Variants in MYH7 observed in about 807,000 individuals in gnomAD.
The protein encoded by MYH7 is myosin-7.
MYH7 carries 129 observed loss-of-function variants against 225.4 expected under a neutral mutation model. The observed-to-expected ratio is 0.57, with a 90% CI of 0.50 to 0.66. MYH7 has a LOEUF of 0.66. Ranked by LOEUF, MYH7 falls within the 30% of genes least tolerant of loss-of-function variation. The pLI, the probability that MYH7 is intolerant of heterozygous loss-of-function variation, is 0.00. For missense variants in MYH7, 1,649 were observed against 2,517.0 expected (o/e 0.66, Z 7.38); for synonymous variants, 971 against 1,007.6 (o/e 0.96, Z 0.69).
At chr14:23,423,256 A>G (rs1892551143) in intron 24 of MYH7, among the ~76,000 whole-genome samples, 1 of 152,192 alleles carries the variant, frequency 6.6e-6, no homozygotes, top group South Asian at 2.1e-4. Flanking sequence ...GCAGAGATAT[A>G]TGGGATTGCA....
intron 16 of MYH7, 33 bp from the exon 17 acceptor site, chr14:23,427,340 A>G: frequency 1.2e-6 from 2 of 1,611,814 alleles, no homozygotes; most frequent in South Asian, 1.1e-5. Flanking sequence ...AAGAAGCATC[A>G]GTGTGGGGAG....
chr14:23,415,977 G>A lies in MYH7; in HGVS notation c.4953+27C>T, dbSNP rs369699564. 6.2e-7 allele frequency: 1 copy of A among 1,614,116 alleles called. No individual in the cohort carries two copies. Among genetic ancestry groups the A allele is most frequent in the Non-Finnish European group, 8.5e-7 (1 of 1,180,036 alleles). On this transcript the variant is annotated intron_variant, in intron 34 of 39. Coordinates refer to ENST00000355349, the MANE Select transcript of MYH7 (RefSeq NM_000257.4). This position sits in a 1 kb window ranked among gnomAD's most constrained non-coding sequence, Gnocchi z 6.3. Reference sequence around the variant, plus strand: ...ACACTACTGCTTCGCCAGGCCACGTGGAGGCCAGTCCCCTCTGGGTGAGTA... The same window carrying A: ...ACACTACTGCTTCGCCAGGCCACGTAGAGGCCAGTCCCCTCTGGGTGAGTA...
At position 23,425,320 on chromosome 14, in the gene MYH7, C is replaced by T; in HGVS notation, c.2385G>A (p.Val795=). The change falls in exon 21 of 40, where the codon GTG becomes GTA. Residue 795 remains valine, a synonymous_variant. Coordinates refer to ENST00000355349, the MANE Select transcript of MYH7 (RefSeq NM_000257.4). This position sits in a 1 kb window ranked among gnomAD's most constrained non-coding sequence, Gnocchi z 4.6. ...GCTTTTTGTACTCCATTCTGGCGAG[C>T]ACACCTCGGGACTGGGCCTGGATAC... ...ITRIQAQSRG[V]LARMEYKKLL... is the part of the protein sequence containing the mutation. 1.2e-6 allele frequency: 2 copies of T among 1,614,216 alleles called. No individual in the cohort carries two copies. Among genetic ancestry groups the T allele is most frequent in the Non-Finnish European group, 1.7e-6 (2 of 1,180,040 alleles).
chr14:23,422,525 A>G (rs1478663700), intron 24 of MYH7, among the ~76,000 whole-genome samples, 200 bp from the exon 25 acceptor site: 1 of 151,684 alleles, frequency 6.6e-6, no homozygotes, highest in East Asian at 1.9e-4. Context: ...AGATAAAGGA[A>G]TAAATGACTG....
At chr14:23,431,285 CAG>C (rs780088450) in intron 9 of MYH7, 131 bp downstream of exon 9, 1 of 928,110 alleles carries the variant, frequency 1.1e-6, no homozygotes, top group South Asian at 1.3e-5. Context: ...GACCTGAAGA[CAG>C]AGACACCTAC....
At chr14:23,422,152 G>A (rs772267815) in intron 25 of MYH7, 28 bp downstream of exon 25, 1 of 1,612,130 alleles carries the variant, frequency 6.2e-7, no homozygotes, top group South Asian at 1.1e-5. Flanking sequence ...TGGGGAGGAG[G>A]AAGGGCAGCA....
intron 14 of MYH7, 37 bp downstream of exon 14, chr14:23,428,918 A>C (rs112828355): frequency 1.9e-6 from 3 of 1,614,024 alleles, no homozygotes; most frequent in Non-Finnish European, 2.5e-6. Flanking sequence ...GGAGCGAGTG[A>C]GTGATTGTTC....
At chr14:23,432,302 G>GA (rs1892977788) in intron 6 of MYH7, among the ~76,000 whole-genome samples, 177 bp downstream of exon 6, 2 of 152,174 alleles carry the variant, frequency 1.3e-5, no homozygotes, top group African/African-American at 4.8e-5. Flanking sequence ...ATGGAAAGCA[G>GA]AAAGGAAGAG....
Position 23,433,188 on chromosome 14 carries a change from G to A in MYH7, c.241C>T (p.Pro81Ser), listed in dbSNP as rs1489940065. ...VKEDQVMQQN[P>S]PKFDKIEDMA... The stretch of plus-strand genomic sequence containing the variant: ...TCCTCGATTTTGTCGAACTTGGGTG[G>A]GTTCTGCTGCATCACCTGGTCCTCC... Residue 81 changes from proline (P) to serine (S), a missense_variant, in exon 4 of 40, where the codon CCA becomes TCA. Pro to Ser is a moderately conservative substitution (Grantham distance 74). Transcript: ENST00000355349. The surrounding 1 kb of genome is among the most constrained non-coding windows in gnomAD (Gnocchi z 4.1). 1.2e-5 allele frequency: 20 copies of A among 1,614,024 alleles called. No individual in the cohort carries two copies. In the Admixed American group the frequency reaches 3.2e-4, roughly 26 times the overall value.
chr14:23,428,751 A>G, intron 14 of MYH7, 81 bp from the exon 15 acceptor site: 3 of 1,607,926 alleles, frequency 1.9e-6, no homozygotes, highest in East Asian at 2.2e-5. Context: ...ACTGTGCCTG[A>G]GCCCAGCAGG....
At chr14:23,419,364 A>G (rs1482426315) in intron 28 of MYH7, 69 bp from the exon 29 acceptor site, 66 of 1,612,016 alleles carry the variant, frequency 4.1e-5, no homozygotes, top group Non-Finnish European at 5.6e-5. Context: ...CTCAGGCCCC[A>G]TTTTCTGGAG....
At chr14:23,417,791 G>A (rs1447473303) in intron 30 of MYH7, 105 bp from the exon 31 acceptor site, 1 of 1,462,466 alleles carries the variant, frequency 6.8e-7, no homozygotes, top group South Asian at 1.2e-5. Flanking sequence ...AACCTCAGAA[G>A]TGTAGCTGGA....
In MYH7 at chr14:23,415,801, C is replaced by A. The variant is rs370328209; in HGVS notation, c.4985G>T (p.Arg1662Leu). 6.2e-6 allele frequency: 10 copies of A among 1,614,092 alleles called. No individual in the cohort carries two copies. The African/African-American group carries it at 1.2e-4, about 19-fold the overall frequency. ...GTTCTCCTTCAGGTCGTCGTTGGCACGGACTGCATCGTCCAGCTGAATCTG... is the reference window on the plus strand; with the variant it reads ...GTTCTCCTTCAGGTCGTCGTTGGCAAGGACTGCATCGTCCAGCTGAATCTG... Reference protein sequence around the residue: ...DTQIQLDDAVRANDDLKENIA... With the variant: ...DTQIQLDDAVLANDDLKENIA... Residue 1662 changes from arginine (R) to leucine (L), a missense_variant, in exon 35 of 40, where the codon CGT becomes CTT. This residue lies in a region of MYH7 where 687 missense variants were observed against 913.8 expected (regional missense o/e 0.75). Coordinates refer to ENST00000355349, the MANE Select transcript of MYH7 (RefSeq NM_000257.4). This position sits in a 1 kb window ranked among gnomAD's most constrained non-coding sequence, Gnocchi z 6.3.
In MYH7 at chr14:23,415,625, T is replaced by A; in HGVS notation, c.5157+4A>T. 1 of 1,613,708 alleles carries A rather than the reference T, an allele frequency of 6.2e-7. No individual in the cohort carries two copies. Among genetic ancestry groups the A allele is most frequent in the Non-Finnish European group, 8.5e-7 (1 of 1,180,030 alleles). On this transcript the variant is annotated splice_donor_region_variant and intron_variant, in intron 35 of 39. Coordinates refer to ENST00000355349, the MANE Select transcript of MYH7 (RefSeq NM_000257.4). The surrounding 1 kb of genome is among the most constrained non-coding windows in gnomAD (Gnocchi z 6.3). ...CTTCAGGAATGAGCAGGGGAGCTGC[T>A]CACCTGGGAATGCAGCAGCTGCACC...
chr14:23,427,337 A>G (rs527804917), intron 16 of MYH7, 30 bp from the exon 17 acceptor site: 1 of 1,612,722 alleles, frequency 6.2e-7, no homozygotes, highest in Non-Finnish European at 8.5e-7. Flanking sequence ...CAAAAGAAGC[A>G]TCAGTGTGGG....
At chr14:23,419,779 A>G in intron 27 of MYH7, 66 bp downstream of exon 27, 5 of 1,613,576 alleles carry the variant, frequency 3.1e-6, no homozygotes, top group Non-Finnish European at 4.2e-6. Context: ...AGGAAGAGAC[A>G]CTACATGGAC....
intron 24 of MYH7, 24 bp downstream of exon 24, chr14:23,423,523 C>A: frequency 6.2e-7 from 1 of 1,611,790 alleles, no homozygotes; most frequent in Non-Finnish European, 8.5e-7. Context: ...CATATCTAGG[C>A]CCCACAACTC....
chr14:23,420,249 A>G lies in MYH7; in HGVS notation c.3337-15T>C. On this transcript the variant is annotated splice_polypyrimidine_tract_variant and intron_variant, in intron 26 of 39. Coordinates refer to ENST00000355349, the MANE Select transcript of MYH7 (RefSeq NM_000257.4). The stretch of plus-strand genomic sequence containing the variant: ...TCGATGCGTGCCTGGTCAGACACAA[A>G]GGGCTCAGACCCACCGCCTGGACCC... The G allele has an allele frequency of 6.2e-7, 1 of 1,609,814 alleles. No individual in the cohort carries two copies. Among genetic ancestry groups the G allele is most frequent in the Non-Finnish European group, 8.5e-7 (1 of 1,179,148 alleles).
rs1202199852 is a variant in MYH7 at position 23,415,563 on chromosome 14, T to A, written c.5158-57A>T. On this transcript the variant is annotated intron_variant, in intron 35 of 39. Coordinates refer to ENST00000355349, the MANE Select transcript of MYH7 (RefSeq NM_000257.4). This position sits in a 1 kb window ranked among gnomAD's most constrained non-coding sequence, Gnocchi z 6.3. ...AAAGCATTGAGCATCTATGCATAGC[T>A]CTCAAGCCTTGCTTGCTGAGCCCCA... 1 of 1,613,886 alleles carries A rather than the reference T, an allele frequency of 6.2e-7. No homozygotes were observed. Among genetic ancestry groups the A allele is most frequent in the South Asian group, 1.1e-5 (1 of 91,074 alleles).
Sources: allele counts gnomAD v4.1 joint callset (sites outside exome capture counted in the v4.1 genomes callset), GRCh38; gene constraint gnomAD v4.1.1; regional missense constraint gnomAD v4.1.1; non-coding constraint Gnocchi (gnomAD v3.1); transcripts MANE v1.5; gene names NCBI Gene and HGNC (gene_info 2026-07-23, HGNC 2026-07-21).